IL20RA: variants seen among roughly 807,000 people sequenced by gnomAD.
The protein encoded by IL20RA is interleukin-20 receptor subunit alpha.
Under a neutral mutation model 36.5 loss-of-function variants are expected in IL20RA, and 29 were observed. That is an observed-to-expected ratio of 0.79 (90% CI 0.59 to 1.08). The LOEUF is 1.08. Ranked by LOEUF, IL20RA falls within the 50% of genes least tolerant of loss-of-function variation. The pLI is 0.00. For missense variants in IL20RA, 652 were observed against 668.4 expected (o/e 0.98, Z 0.27); for synonymous variants, 279 against 267.1 (o/e 1.04, Z -0.43).
Position 137,008,672 on chromosome 6 carries a change from G to A in IL20RA, c.651C>T (p.His217=), listed in dbSNP as rs759603824. The A allele has an allele frequency of 9.3e-6, 15 of 1,609,156 alleles. No homozygotes were observed. The highest frequency in any genetic ancestry group is 1.3e-5 in the African/African-American group (1 of 74,794). The change falls in exon 5 of 7, where the codon CAC becomes CAT. Residue 217 remains histidine (H), a synonymous_variant. Transcript: ENST00000316649. ...WLEPNTLYCV[H]VESFVPGPPR... is the part of the protein sequence containing the mutation. ...GGGGCCCTGGGACGAAGGACTCCAC[G>A]TGTACGCAGTAAAGAGTGTTCGGCT...
intron 1 of IL20RA, 180 bp downstream of exon 1, chr6:137,044,461 C>T (rs745519104): frequency 4.8e-6 from 4 of 839,762 alleles, no homozygotes; most frequent in African/African-American, 1.8e-5. Flanking sequence ...GCGAGTGTCC[C>T]CCGGGCTCCC....
intron 1 of IL20RA, among the ~76,000 whole-genome samples, chr6:137,026,120 G>C (rs966270363): frequency 6.6e-6 from 1 of 152,166 alleles, no homozygotes; most frequent in Non-Finnish European, 1.5e-5. Flanking sequence ...TGACCAACTG[G>C]GGCAGCCTTA....
At chr6:137,035,210 A>G (rs1395827592) in intron 1 of IL20RA, among the ~76,000 whole-genome samples, 2 of 152,216 alleles carry the variant, frequency 1.3e-5, no homozygotes, top group Non-Finnish European at 2.9e-5. Flanking sequence ...GGTTTTTACT[A>G]AAAGTATTTA....
Position 137,044,959 on chromosome 6 carries a change from G to C in IL20RA, c.-231C>G, listed in dbSNP as rs1776852893. ...CCACGCGCGCTCCCCCGGCTACCCA[G>C]CTGGATGGCAGCGCGAGGGCAGTTC... On this transcript the variant is annotated 5_prime_UTR_variant, in exon 1 of 7. Transcript: ENST00000316649. 3.0e-6 allele frequency: 1 copy of C among 332,284 alleles called. No individual in the cohort carries two copies. The allele number at this position is 332,284 out of a possible 1,614,324, so 20.6% of individuals were successfully genotyped here.
intron 1 of IL20RA, among the ~76,000 whole-genome samples, chr6:137,022,987 T>G (rs993815094): frequency 6.6e-6 from 1 of 152,184 alleles, no homozygotes; most frequent in Non-Finnish European, 1.5e-5. Flanking sequence ...GAATAAATTG[T>G]GTTTTTTAAA....
At chr6:137,043,851 C>G (rs921638182) in intron 1 of IL20RA, among the ~76,000 whole-genome samples, 1 of 151,962 alleles carries the variant, frequency 6.6e-6, no homozygotes, top group Non-Finnish European at 1.5e-5. Flanking sequence ...AAATCTTTTT[C>G]TCATGTACGA....
Position 137,008,640 on chromosome 6 carries a change from C to G in IL20RA, c.683G>C (p.Arg228Pro). ...VESFVPGPPR[R>P]AQPSEKQCAR... ...ACACTGCTTCTCAGAAGGCTGAGCACGGCGAGGGGGCCCTGGGACGAAGGA... is the reference window on the plus strand; with the variant it reads ...ACACTGCTTCTCAGAAGGCTGAGCAGGGCGAGGGGGCCCTGGGACGAAGGA... Residue 228 changes from arginine to proline, a missense_variant, in exon 5 of 7, where the codon CGT becomes CCT. By Grantham distance (103) the Arg-to-Pro change is moderately radical. Transcript: ENST00000316649. 1 of 1,606,116 alleles carries G rather than the reference C, an allele frequency of 6.2e-7. No individual in the cohort carries two copies.
intron 2 of IL20RA, among the ~76,000 whole-genome samples, chr6:137,011,827 T>C (rs1473074690): frequency 1.3e-5 from 2 of 152,246 alleles, no homozygotes; most frequent in African/African-American, 4.8e-5. Context: ...GTTTGACGGA[T>C]TGTTTGAAGA....
rs1430650502 is a variant in IL20RA, at chr6:137,044,696, C to T, written c.33G>A (p.Pro11=). ...ACAGCAGCAGCGGCGGCAGCGGCAG[C>T]GGCCGCAGGGCCGGGCGGCCGGGAG... is the stretch of plus-strand genomic sequence containing the variant. The part of the protein sequence containing the change: MRAPGRPALR[P]LPLPPLLLLL... The change falls in exon 1 of 7, where the codon CCG becomes CCA. Residue 11 remains proline (P), a synonymous_variant. Coordinates refer to ENST00000316649, the MANE Select transcript of IL20RA (RefSeq NM_014432.4). The T allele has an allele frequency of 1.6e-6, 2 of 1,223,352 alleles. No homozygotes were observed. The highest frequency in any genetic ancestry group is 1.6e-5 in the African/African-American group (1 of 63,836). The allele number at this position is 1,223,352 out of a possible 1,614,324, so 75.8% of individuals were successfully genotyped here.
chr6:137,000,736 C>CCT lies in IL20RA; in HGVS notation c.*820_*821dup, dbSNP rs1343380151. 2.6e-5 allele frequency: 4 copies of CCT among 152,166 alleles called. No individual in the cohort carries two copies. Among genetic ancestry groups the CCT allele is most frequent in the Admixed American group, 1.3e-4 (2 of 15,278 alleles). The allele number at this position is 152,166 out of a possible 1,614,324, so 9.4% of individuals were successfully genotyped here. On this transcript the variant is annotated 3_prime_UTR_variant, in exon 7 of 7. Transcript: ENST00000316649. ...AGTAACACAGTAACCTAGAGCTTTA[C>CCT]CTAACACTTTCTAGTTTACAGACTA...
rs1251776857 is a variant in IL20RA, at chr6:137,040,921, T to G, written c.88+3720A>C. On this transcript the variant is annotated intron_variant, in intron 1 of 6. Coordinates refer to ENST00000316649, the MANE Select transcript of IL20RA (RefSeq NM_014432.4). ...TCTCAAAGTATCTCTCTGCAAAATA[T>G]TTATTAGTCACACAGTGAAAAATCG... 2.0e-5 allele frequency among the ~76,000 whole-genome samples: 3 copies of G among 152,314 alleles called. No individual in the cohort carries two copies. The East Asian group carries it at 5.8e-4, about 29-fold the overall frequency.
chr6:137,033,857 T>C (rs1389350365), intron 1 of IL20RA, among the ~76,000 whole-genome samples: 1 of 152,180 alleles, frequency 6.6e-6, no homozygotes, highest in African/African-American at 2.4e-5. Flanking sequence ...TATTCTGAGG[T>C]TGTAGGTGGA....
chr6:137,044,685 G>A lies in IL20RA; in HGVS notation c.44C>T (p.Pro15Leu), dbSNP rs1049036368. 1 of 1,223,206 alleles carries A rather than the reference G, an allele frequency of 8.2e-7. No homozygotes were observed. Among genetic ancestry groups the A allele is most frequent in the Non-Finnish European group, 1.0e-6 (1 of 983,664 alleles). The allele number at this position is 1,223,206 out of a possible 1,614,324, so 75.8% of individuals were successfully genotyped here. A position where few individuals can be genotyped will look rare whatever the true frequency, so the allele number is the denominator to read the frequency against. ...GRPALRPLPL[P>L]PLLLLLLAAP... ...CGCCAGGAGCAACAGCAGCAGCGGC[G>A]GCAGCGGCAGCGGCCGCAGGGCCGG... Residue 15 changes from proline (P) to leucine (L), a missense_variant, in exon 1 of 7, where the codon CCG (proline) becomes CTG (leucine). Coordinates refer to ENST00000316649, the MANE Select transcript of IL20RA (RefSeq NM_014432.4).
intron 1 of IL20RA, chr6:137,043,009 T>C (rs1427941846): frequency 6.6e-6 from 1 of 152,162 alleles, no homozygotes; most frequent in Non-Finnish European, 1.5e-5. Context: ...CAGAAAAGAT[T>C]TCTTACTGTT....
Position 137,004,664 on chromosome 6 carries a change from T to A in IL20RA, c.821A>T (p.Tyr274Phe). 5.0e-6 allele frequency: 8 copies of A among 1,612,962 alleles called. No homozygotes were observed. The highest frequency in any genetic ancestry group is 6.8e-6 in the Non-Finnish European group (8 of 1,179,798). ...FLFSVMGYSIYRYIHVGKEKH... is the reference protein window; with the variant it reads ...FLFSVMGYSIFRYIHVGKEKH... ...CTCTTTGCCAACGTGGATATATCGG[T>A]AGATGGAATAGCCCATCACAGAAAA... is the stretch of plus-strand genomic sequence containing the variant. The change falls in exon 6 of 7, where the codon TAC (tyrosine) becomes TTC (phenylalanine). Residue 274 changes from tyrosine to phenylalanine, a missense_variant. Physicochemically the swap from Tyr to Phe is conservative, Grantham distance 22 (BLOSUM62 3). Transcript: ENST00000316649.
At chr6:137,004,165 T>G (rs1213991641) in intron 6 of IL20RA, among the ~76,000 whole-genome samples, 6 of 121,402 alleles carry the variant, frequency 4.9e-5, no homozygotes, top group Non-Finnish European at 8.7e-5. Flanking sequence ...AAAGCTTTTT[T>G]TTTTTTTTTT....
chr6:137,036,202 A>G (rs1314488559), intron 1 of IL20RA, among the ~76,000 whole-genome samples: 1 of 152,154 alleles, frequency 6.6e-6, no homozygotes, highest in African/African-American at 2.4e-5. Flanking sequence ...AGACTCCTAA[A>G]CATGTTGGAG....
chr6:137,015,040 G>A (rs952904554), intron 2 of IL20RA, among the ~76,000 whole-genome samples: 2 of 152,302 alleles, frequency 1.3e-5, no homozygotes, highest in African/African-American at 2.4e-5. Flanking sequence ...ATTCTGTTGA[G>A]TGTTGCCAGA....
Position 137,022,299 on chromosome 6 carries a change from T to C in IL20RA, c.89-5196A>G, listed in dbSNP as rs182834365. Among the ~76,000 whole-genome samples the C allele has an allele frequency of 3.9e-3, 600 of 152,274 alleles. 35 individuals are homozygous for C. In the South Asian group the frequency reaches 0.12, roughly 29 times the overall value. On this transcript the variant is annotated intron_variant, in intron 1 of 6. Transcript: ENST00000316649. ...AATGCAAGCAGAAACTCCTCCTCTT[T>C]TGACACGTTCTCCAGATGATATGGT...
Sources: gnomAD v4.1 joint callset for allele counts (sites outside exome capture counted in the v4.1 genomes callset) on GRCh38, gnomAD v4.1.1 for gene constraint, MANE v1.5 for transcripts, NCBI Gene and HGNC (gene_info 2026-07-23, HGNC 2026-07-21) for gene names.